The following COBL variants were observed in gnomAD, a reference collection of about 807,000 sequenced individuals.
COBL encodes cordon-bleu WH2 repeat protein.
In COBL, 51 loss-of-function variants were observed where a neutral mutation model predicts 98.8. That is an observed-to-expected ratio of 0.52 (90% CI 0.41 to 0.65). The LOEUF (loss-of-function observed/expected upper bound fraction) is 0.65, where lower values mean the gene tolerates loss of function less well. COBL is among the 30% of genes least tolerant of loss of function. The pLI is 0.00. For missense variants in COBL, 1,617 were observed against 1,617.5 expected (o/e 1.00, Z 0.01); for synonymous variants, 634 against 651.7 (o/e 0.97, Z 0.41).
intron 6 of COBL, among the ~76,000 whole-genome samples, chr7:51,102,088 C>T (rs1282351184): frequency 1.3e-5 from 2 of 152,240 alleles, no homozygotes; most frequent in East Asian, 1.9e-4. Flanking sequence ...CATCAGTCAC[C>T]GAGTCTTCTG....
chr7:51,226,558 C>T lies in COBL; in HGVS notation c.42-6614G>A, dbSNP rs78941265. ...AGTGAGTGAGTGAGTAAGTGAGTGA[C>T]TAAGTGAGTGAGTAAGTGAGTGAGT... On this transcript the variant is annotated intron_variant, in intron 1 of 12. Coordinates refer to ENST00000265136, the MANE Select transcript of COBL (RefSeq NM_015198.5). Among the ~76,000 whole-genome samples, 8 of 72,352 alleles carry T rather than the reference C, an allele frequency of 1.1e-4. No individual in the cohort carries two copies. The Middle Eastern group carries it at 0.021, about 186-fold the overall frequency. The allele number at this position is 72,352 out of a possible 152,430, so 47.5% of individuals were successfully genotyped here. A position where few individuals can be genotyped will look rare whatever the true frequency, so the allele number is the denominator to read the frequency against.
At chr7:51,125,859 T>C (rs914980623) in intron 6 of COBL, among the ~76,000 whole-genome samples, 3 of 152,222 alleles carry the variant, frequency 2.0e-5, no homozygotes, top group African/African-American at 7.2e-5. Flanking sequence ...GTCACCCCAC[T>C]GTCTTGGGAC....
intron 1 of COBL, among the ~76,000 whole-genome samples, chr7:51,266,937 C>T (rs1798268363): frequency 6.6e-6 from 1 of 152,114 alleles, no homozygotes; most frequent in South Asian, 2.1e-4. Context: ...ACATCAATGC[C>T]CTCTGCTTCT....
At chr7:51,278,536 A>C (rs1799523370) in intron 1 of COBL, among the ~76,000 whole-genome samples, 1 of 151,764 alleles carries the variant, frequency 6.6e-6, no homozygotes. Flanking sequence ...GTGTGCCACC[A>C]CGCCCAGCTA....
chr7:51,079,779 G>C (rs1793449833), intron 7 of COBL, among the ~76,000 whole-genome samples: 4 of 152,208 alleles, frequency 2.6e-5, no homozygotes, highest in Admixed American at 2.6e-4. Context: ...GCTGCCGAGA[G>C]GTGGCCTCTT....
intron 6 of COBL, among the ~76,000 whole-genome samples, chr7:51,087,728 C>T (rs1794415180): frequency 6.6e-6 from 1 of 151,100 alleles, no homozygotes; most frequent in Non-Finnish European, 1.5e-5. Context: ...CCCGCCTCGG[C>T]CTCCCGAATT....
rs532401526 is a variant in COBL, at chr7:51,032,429, A to T, written c.1407-1520T>A. The T allele has an allele frequency of 8.5e-5, 13 of 152,368 alleles. 1 individual carries two copies. The South Asian group carries it at 2.7e-3, about 32-fold the overall frequency. The allele number at this position is 152,368 out of a possible 1,614,324, so 9.4% of individuals were successfully genotyped here. ...AATTGTCTATCTTCAGTGAAAGCTG[A>T]AGGTTTGTTTTCCGCTGATTGTTAA... On this transcript the variant is annotated intron_variant, in intron 8 of 12. Coordinates refer to ENST00000265136, the MANE Select transcript of COBL (RefSeq NM_015198.5).
chr7:51,083,149 C>CGGGGGGGGGGGG, intron 7 of COBL: 1 of 345,492 alleles, frequency 2.9e-6, no homozygotes, highest in Non-Finnish European at 4.3e-6. Context: ...GAGGGTAGGG[C>CGGGGGGGGGGGG]GGGGGTGGGG....
chr7:51,043,215 T>C (rs1037846061), intron 8 of COBL, among the ~76,000 whole-genome samples, 168 bp downstream of exon 8: 20 of 152,328 alleles, frequency 1.3e-4, no homozygotes, highest in South Asian at 6.2e-4. Context: ...TGCAGATGTA[T>C]AGACAGCACA....
At chr7:51,048,530 C>A (rs941733993) in intron 7 of COBL, among the ~76,000 whole-genome samples, 1 of 152,074 alleles carries the variant, frequency 6.6e-6, no homozygotes, top group African/African-American at 2.4e-5. Context: ...TGAGTTCTTC[C>A]TTTAACAGGC....
At chr7:51,020,131 A>T (rs910044518) in intron 12 of COBL, among the ~76,000 whole-genome samples, 40 of 152,198 alleles carry the variant, frequency 2.6e-4, no homozygotes, top group African/African-American at 9.4e-4. Context: ...CTAGGAGCTG[A>T]TAAGGTGTCT....
At chr7:51,140,355 T>G (rs1174716242) in intron 5 of COBL, among the ~76,000 whole-genome samples, 1 of 151,946 alleles carries the variant, frequency 6.6e-6, no homozygotes. Flanking sequence ...TTACATTCAG[T>G]GTAAAACATC....
chr7:51,172,739 C>T (rs1267933992), intron 5 of COBL, among the ~76,000 whole-genome samples: 1 of 152,150 alleles, frequency 6.6e-6, no homozygotes, highest in Non-Finnish European at 1.5e-5. Context: ...TTTTGAAATC[C>T]ACACTCATAG....
At chr7:51,298,340 T>C (rs931405471) in intron 1 of COBL, among the ~76,000 whole-genome samples, 2 of 152,226 alleles carry the variant, frequency 1.3e-5, no homozygotes, top group East Asian at 1.9e-4. Context: ...TACGTAGCAA[T>C]AGGTAACTAC....
intron 2 of COBL, among the ~76,000 whole-genome samples, chr7:51,217,721 C>A (rs1467317122): frequency 6.6e-6 from 1 of 152,060 alleles, no homozygotes. Context: ...CCCTAATATA[C>A]CCACTGAGAA....
intron 1 of COBL, among the ~76,000 whole-genome samples, chr7:51,311,135 T>A (rs894905458): frequency 3.9e-5 from 6 of 152,236 alleles, no homozygotes; most frequent in African/African-American, 1.4e-4. Context: ...AAGAAAAATA[T>A]ACTCTGGCAG....
chr7:51,297,399 T>TC, intron 1 of COBL, among the ~76,000 whole-genome samples: 1 of 149,610 alleles, frequency 6.7e-6, no homozygotes, highest in East Asian at 2.0e-4. Context: ...ATCTTTTTTT[T>TC]TTTTTTTTTT....
intron 5 of COBL, among the ~76,000 whole-genome samples, chr7:51,150,998 C>A (rs1327369512): frequency 6.6e-6 from 1 of 152,012 alleles, no homozygotes; most frequent in Admixed American, 6.6e-5. Context: ...TCAGCACTGA[C>A]AACTCCTCCC....
At chr7:51,114,147 A>T (rs974586414) in intron 6 of COBL, among the ~76,000 whole-genome samples, 3 of 152,190 alleles carry the variant, frequency 2.0e-5, no homozygotes, top group African/African-American at 4.8e-5. Context: ...GGTCTAACAC[A>T]AGTCTACGCT....
Sources: gnomAD v4.1 joint callset for allele counts (sites outside exome capture counted in the v4.1 genomes callset) on GRCh38, gnomAD v4.1.1 for gene constraint, MANE v1.5 for transcripts, NCBI Gene and HGNC (gene_info 2026-07-23, HGNC 2026-07-21) for gene names.